The following CD8B variants were observed in gnomAD, a reference collection of about 807,000 sequenced individuals.
CD8B encodes T-cell surface glycoprotein CD8 beta chain.
A neutral mutation model predicts 24.2 loss-of-function variants in CD8B; 6 were observed. That is an observed-to-expected ratio of 0.25 (90% CI 0.14 to 0.49). The LOEUF (loss-of-function observed/expected upper bound fraction) is 0.49, where lower values mean the gene tolerates loss of function less well. CD8B is among the 20% of genes least tolerant of loss of function. CD8B has a pLI of 0.98. For synonymous variants in CD8B, 84 were observed against 108.3 expected, an observed-to-expected ratio of 0.78 and a Z score of 1.39; for missense variants, 196 against 271.3, an observed-to-expected ratio of 0.72 and a Z score of 1.95.
At chr2:86,821,103 C>T (rs1304817167) in intron 5 of CD8B, among the ~76,000 whole-genome samples, 2 of 150,942 alleles carry the variant, frequency 1.3e-5, no homozygotes, top group African/African-American at 4.9e-5. Flanking sequence ...AATATAGGTG[C>T]TCTTTTTATA....
At chr2:86,831,370 A>G (rs1323491759) in intron 5 of CD8B, among the ~76,000 whole-genome samples, 2 of 152,180 alleles carry the variant, frequency 1.3e-5, no homozygotes, top group Non-Finnish European at 2.9e-5. Context: ...CCTGGCTTCT[A>G]TAATCTATTC....
chr2:86,821,410 C>T (rs1225778740), intron 5 of CD8B, among the ~76,000 whole-genome samples: 1 of 152,166 alleles, frequency 6.6e-6, no homozygotes, highest in Non-Finnish European at 1.5e-5. Context: ...CGCACAACTC[C>T]CAGCACAGTG....
downstream of CD8B, among the ~76,000 whole-genome samples, chr2:86,834,047 G>A (rs1281592569): frequency 6.6e-6 from 1 of 151,986 alleles, no homozygotes; most frequent in African/African-American, 2.4e-5. Flanking sequence ...ATTATCTTGG[G>A]GTTGTTTCCC....
chr2:86,821,296 G>C (rs1674454923), intron 5 of CD8B, among the ~76,000 whole-genome samples: 1 of 152,030 alleles, frequency 6.6e-6, no homozygotes, highest in Non-Finnish European at 1.5e-5. Context: ...GAAGCTTTCG[G>C]ATTTATCAAA....
chr2:86,854,356 G>A (rs12995999), intron 2 of CD8B, among the ~76,000 whole-genome samples: 2 of 152,182 alleles, frequency 1.3e-5, no homozygotes, highest in South Asian at 2.1e-4. Context: ...GTACCACACA[G>A]GTGTCATATT....
chr2:86,829,252 G>T (rs747439978), intron 5 of CD8B, among the ~76,000 whole-genome samples: 4 of 151,846 alleles, frequency 2.6e-5, no homozygotes, highest in African/African-American at 7.3e-5. Flanking sequence ...GACTACAGGT[G>T]CATGCCACCA....
intron 5 of CD8B, among the ~76,000 whole-genome samples, chr2:86,830,265 T>C (rs1325427588): frequency 6.6e-6 from 1 of 152,162 alleles, no homozygotes; most frequent in Non-Finnish European, 1.5e-5. Flanking sequence ...TACAATACTC[T>C]GATGCATGTC....
downstream of CD8B, among the ~76,000 whole-genome samples, chr2:86,837,865 G>C (rs1675241782): frequency 6.6e-6 from 1 of 152,116 alleles, no homozygotes; most frequent in Non-Finnish European, 1.5e-5. Context: ...CACAGAAAAG[G>C]AAGTACTATA....
chr2:86,848,213 G>C (rs1212025314), intron 3 of CD8B, among the ~76,000 whole-genome samples: 2 of 152,188 alleles, frequency 1.3e-5, no homozygotes, highest in Non-Finnish European at 2.9e-5. Context: ...CTCCCTAAAA[G>C]GCGGCACTGA....
chr2:86,860,314 A>G (rs1429135189), intron 1 of CD8B, among the ~76,000 whole-genome samples: 1 of 152,206 alleles, frequency 6.6e-6, no homozygotes, highest in Non-Finnish European at 1.5e-5. Context: ...AATAAAAACA[A>G]GAAGGAAATG....
chr2:86,821,853 G>C (rs1337140910), intron 5 of CD8B: 2 of 297,626 alleles, frequency 6.7e-6, no homozygotes, highest in Non-Finnish European at 1.5e-5. Flanking sequence ...TCTTCCCCCT[G>C]GTTAATTCCT....
At chr2:86,842,757 T>A (rs1348402579) in intron 5 of CD8B, among the ~76,000 whole-genome samples, 2 of 151,894 alleles carry the variant, frequency 1.3e-5, no homozygotes, top group Admixed American at 6.5e-5. Context: ...CCAGAGGTGG[T>A]TTTCAAGCTT....
At chr2:86,815,628 G>A (rs78639210) in exon 6 of CD8B, 36,853 of 1,610,404 alleles carry the variant, frequency 0.023, 1,585 homozygotes, top group Admixed American at 0.14. Flanking sequence ...GGATCCATGG[G>A]TTAAGCAGCT....
chr2:86,859,273 A>G (rs1368311978), intron 1 of CD8B, among the ~76,000 whole-genome samples: 1 of 152,072 alleles, frequency 6.6e-6, no homozygotes, highest in African/African-American at 2.4e-5. Flanking sequence ...GGAAGGACAG[A>G]CACCACAGAA....
At chr2:86,854,452 C>A (rs1676130750) in intron 2 of CD8B, among the ~76,000 whole-genome samples, 1 of 152,166 alleles carries the variant, frequency 6.6e-6, no homozygotes, top group African/African-American at 2.4e-5. Flanking sequence ...ACTTTAATTT[C>A]AAAGGTGAAC....
chr2:86,858,370 C>T lies in CD8B; in HGVS notation c.90G>A (p.Lys30=). Residue 30 remains lysine, a synonymous_variant, in exon 2 of 6, where the codon AAG becomes AAA. Coordinates refer to ENST00000390655, the MANE Select transcript of CD8B (RefSeq NM_004931.5). ...SVLQQTPAYI[K]VQTNKMVMLS... ...GCATCACCATCTTGTTGGTTTGCACCTTTATGTATGCAGGGGTCTGCTGGA... is the reference window on the plus strand; with the variant it reads ...GCATCACCATCTTGTTGGTTTGCACTTTTATGTATGCAGGGGTCTGCTGGA... The T allele has an allele frequency of 1.2e-6, 2 of 1,612,158 alleles. No individual in the cohort carries two copies. The highest frequency in any genetic ancestry group is 1.1e-5 in the South Asian group (1 of 90,684).
At chr2:86,830,307 A>C (rs1674857086) in intron 5 of CD8B, among the ~76,000 whole-genome samples, 1 of 152,198 alleles carries the variant, frequency 6.6e-6, no homozygotes, top group South Asian at 2.1e-4. Context: ...GGGGCCAGGC[A>C]TGGTGGCTCA....
chr2:86,836,094 CA>C (rs1412591641), downstream of CD8B, among the ~76,000 whole-genome samples: 1 of 151,260 alleles, frequency 6.6e-6, no homozygotes, highest in Non-Finnish European at 1.5e-5. Context: ...GTGGTCCTCA[CA>C]GCCTTGAGGA....
At chr2:86,860,213 T>C (rs1055539050) in intron 1 of CD8B, among the ~76,000 whole-genome samples, 38 of 152,360 alleles carry the variant, frequency 2.5e-4, no homozygotes, top group African/African-American at 8.7e-4. Flanking sequence ...GAGATTGCAG[T>C]GAGCCAAGAT....
Sources: gnomAD v4.1 joint callset for allele counts (sites outside exome capture counted in the v4.1 genomes callset) on GRCh38, gnomAD v4.1.1 for gene constraint, MANE v1.5 for transcripts, NCBI Gene and HGNC (gene_info 2026-07-23, HGNC 2026-07-21) for gene names.